The following LILRA5 variants were observed in gnomAD, a reference collection of about 807,000 sequenced individuals.
The protein encoded by LILRA5 is leukocyte immunoglobulin-like receptor subfamily A member 5.
LILRA5 carries 31 observed loss-of-function variants against 36.3 expected under a neutral mutation model. The ratio of observed to expected loss-of-function variants is 0.85; its 90% CI spans 0.64 to 1.15. The LOEUF is 1.15. LILRA5 is among the 50% of genes most tolerant of loss of function. The pLI is 0.00. For missense variants in LILRA5, 348 were observed against 377.4 expected (o/e 0.92, Z 0.64); for synonymous variants, 144 against 144.8 (o/e 0.99, Z 0.04).
chr19:54,307,639 T>C lies in LILRA5; in HGVS notation c.763+59A>G, dbSNP rs891519258. 3.7e-6 allele frequency: 6 copies of C among 1,613,252 alleles called. No individual in the cohort carries two copies. The African/African-American group carries it at 8.0e-5, about 22-fold the overall frequency. Reference sequence around the variant, plus strand: ...ATGTCTCCCCAGGGCACCCATATCATCTTGACAGGACCTGACCCTCTGTGC... The same window carrying C: ...ATGTCTCCCCAGGGCACCCATATCACCTTGACAGGACCTGACCCTCTGTGC... On this transcript the variant is annotated intron_variant, in intron 6 of 6. Coordinates refer to ENST00000432233, the MANE Select transcript of LILRA5 (RefSeq NM_021250.4).
intron 5 of LILRA5, chr19:54,308,354 AATAT>A (rs60172604): frequency 8.7e-3 from 159 of 18,276 alleles, no homozygotes; most frequent in Admixed American, 0.013. Flanking sequence ...TGTATATATA[AATAT>A]ATATATATAT....
chr19:54,311,834 T>G (rs1206013247), intron 4 of LILRA5, 30 bp downstream of exon 4: 1 of 1,614,072 alleles, frequency 6.2e-7, no homozygotes, highest in Admixed American at 1.7e-5. Context: ...GGGCAGAGCC[T>G]GGAGCTGGGA....
rs2081016011 is a variant in LILRA5, at chr19:54,311,587, T to C, written c.539A>G (p.Lys180Arg). 6.2e-7 allele frequency: 1 copy of C among 1,614,060 alleles called. No homozygotes were observed. Among genetic ancestry groups the C allele is most frequent in the Admixed American group, 1.7e-5 (1 of 60,006 alleles). Residue 180 changes from lysine to arginine, a missense_variant, in exon 5 of 7, where the codon AAG (lysine) becomes AGG (arginine). Coordinates refer to ENST00000432233, the MANE Select transcript of LILRA5 (RefSeq NM_021250.4). ...RFILTEEGDH[K>R]LSWTLDSQLT... Reference sequence around the variant, plus strand: ...CTGTGAGTCCAAGGTCCAGGAGAGCTTGTGGTCTCCTTCCTCAGTCAGAAT... The same window carrying C: ...CTGTGAGTCCAAGGTCCAGGAGAGCCTGTGGTCTCCTTCCTCAGTCAGAAT...
Position 54,312,329 on chromosome 19 carries a change from A to G in LILRA5, c.124+6T>C. ...AGGGACCTGGGACAGCTGGGGACAG[A>G]CTCACCTGCCTGCACGTGGGTCCTG... On this transcript the variant is annotated splice_donor_region_variant and intron_variant, in intron 3 of 6. Coordinates refer to ENST00000432233, the MANE Select transcript of LILRA5 (RefSeq NM_021250.4). 6.2e-7 allele frequency: 1 copy of G among 1,613,972 alleles called. No individual in the cohort carries two copies. The highest frequency in any genetic ancestry group is 1.3e-5 in the African/African-American group (1 of 74,960).
chr19:54,310,049 C>T, intron 5 of LILRA5: 1 of 309,754 alleles, frequency 3.2e-6, no homozygotes, highest in Non-Finnish European at 6.4e-6. Context: ...TCATCACCGT[C>T]AGATCCCACC....
intron 1 of LILRA5, 21 bp from the exon 2 acceptor site, chr19:54,312,642 A>G (rs371794397): frequency 5.6e-6 from 9 of 1,612,070 alleles, no homozygotes; most frequent in African/African-American, 5.3e-5. Context: ...AGAGAGACAC[A>G]CAGGGTGTGG....
Position 54,313,121 on chromosome 19 carries a change from A to G in LILRA5, c.-102T>C, listed in dbSNP as rs2081058723. The G allele has an allele frequency of 7.5e-7, 1 of 1,337,640 alleles. No individual in the cohort carries two copies. 82.9% of individuals were successfully genotyped at this position (1,337,640 alleles called of 1,614,324 possible). On this transcript the variant is annotated 5_prime_UTR_variant, in exon 1 of 7. Coordinates refer to ENST00000432233, the MANE Select transcript of LILRA5 (RefSeq NM_021250.4). The stretch of plus-strand genomic sequence containing the variant: ...AGACACATCTGACACCTGGCTGTGT[A>G]GCCCAGGCTGAGCTGCATGTGGCAA...
In LILRA5 at chr19:54,312,016, G is replaced by C. The variant is rs780974155; in HGVS notation, c.257C>G (p.Pro86Arg). ...YRLVKEGSPE[P>R]WDTQNPLEPK... ...CTCCAGTGGGTTCTGTGTGTCCCAGGGTTCTGGGCTTCCCTCTTTAACCAG... is the reference window on the plus strand; with the variant it reads ...CTCCAGTGGGTTCTGTGTGTCCCAGCGTTCTGGGCTTCCCTCTTTAACCAG... The change falls in exon 4 of 7, where the codon CCC (proline) becomes CGC (arginine). Residue 86 changes from proline to arginine, a missense_variant. Physicochemically the swap from Pro to Arg is moderately radical, Grantham distance 103 (BLOSUM62 -2). Coordinates refer to ENST00000432233, the MANE Select transcript of LILRA5 (RefSeq NM_021250.4). 6.2e-7 allele frequency: 1 copy of C among 1,614,194 alleles called. No individual in the cohort carries two copies. The highest frequency in any genetic ancestry group is 2.2e-5 in the East Asian group (1 of 44,876).
intron 5 of LILRA5, 93 bp downstream of exon 5, chr19:54,311,321 G>A (rs1268376872): frequency 1.9e-6 from 3 of 1,603,924 alleles, no homozygotes; most frequent in Admixed American, 1.7e-5. Flanking sequence ...TCCCCTTTTT[G>A]TCTTTCTTAG....
At chr19:54,312,938 C>A in intron 1 of LILRA5, 79 bp downstream of exon 1, 1 of 1,579,224 alleles carries the variant, frequency 6.3e-7, no homozygotes, top group East Asian at 2.2e-5. Context: ...AGGGTGACCT[C>A]CTCCCTCTCA....
chr19:54,309,303 A>C (rs539251927), intron 5 of LILRA5: 1 of 152,278 alleles, frequency 6.6e-6, no homozygotes, highest in South Asian at 2.1e-4. Flanking sequence ...TCTCTACTAA[A>C]AATACAAAAA....
At chr19:54,310,753 T>C in intron 5 of LILRA5, 1 of 290,372 alleles carries the variant, frequency 3.4e-6, no homozygotes, top group Non-Finnish European at 7.1e-6. Flanking sequence ...ACGTCTGTCC[T>C]CCTTGTAGAG....
chr19:54,310,915 A>C, intron 5 of LILRA5: 1 of 243,592 alleles, frequency 4.1e-6, no homozygotes, highest in Non-Finnish European at 8.5e-6. Flanking sequence ...GGTTCCTCCT[A>C]TAAACCTCCT....
chr19:54,311,430 CAGG>C lies in LILRA5; in HGVS notation c.693_695del (p.Leu232del). 1 of 1,614,188 alleles carries C rather than the reference CAGG, an allele frequency of 6.2e-7. No homozygotes were observed. Among genetic ancestry groups the C allele is most frequent in the Non-Finnish European group, 8.5e-7 (1 of 1,180,036 alleles). On this transcript the variant is annotated inframe_deletion, in exon 5 of 7. Coordinates refer to ENST00000432233, the MANE Select transcript of LILRA5 (RefSeq NM_021250.4). ...CTTCCTCACCTGAGACCGGAATCTC[CAGG>C]AGGTCACTGGGTTCTGACCATACCT...
intron 3 of LILRA5, 52 bp from the exon 4 acceptor site, chr19:54,312,200 C>T (rs1172325329): frequency 1.2e-6 from 2 of 1,610,476 alleles, no homozygotes; most frequent in Non-Finnish European, 8.5e-7. Flanking sequence ...CCTCAGATCC[C>T]AGCTCTCAGC....
In LILRA5 at chr19:54,313,165, G is replaced by T. The variant is rs1384628222; in HGVS notation, c.-146C>A. ...GTGGCAATGAGCACAGAGGAGAAAT[G>T]CAGGGAAATAGGGGAGGAAATCATG... On this transcript the variant is annotated 5_prime_UTR_variant, in exon 1 of 7. Transcript: ENST00000432233. 1 of 798,672 alleles carries T rather than the reference G, an allele frequency of 1.3e-6. No homozygotes were observed. The highest frequency in any genetic ancestry group is 2.1e-6 in the Non-Finnish European group (1 of 474,580). The allele number at this position is 798,672 out of a possible 1,614,324, so 49.5% of individuals were successfully genotyped here.
chr19:54,308,335 G>GTGTGTGTGTGTGTATA (rs1421820479), intron 5 of LILRA5: 1 of 57,874 alleles, frequency 1.7e-5, no homozygotes, highest in African/African-American at 4.0e-5. Flanking sequence ...GTGTGTGTGT[G>GTGTGTGTGTGTGTATA]TATATATATG....
Position 54,307,800 on chromosome 19 carries a change from G to C in LILRA5, c.713-52C>G, listed in dbSNP as rs112687577. 905 of 1,490,476 alleles carry C rather than the reference G, an allele frequency of 6.1e-4. 3 individuals carry two copies. In the African/African-American group the frequency reaches 9.3e-3, roughly 15 times the overall value. The allele number at this position is 1,490,476 out of a possible 1,614,324, so 92.3% of individuals were successfully genotyped here. The stretch of plus-strand genomic sequence containing the variant: ...AGGAGAAGTTCTTGAAGCAATCTGA[G>C]CCCAGCCTCTCCCCTGAGCTCTGCA... On this transcript the variant is annotated intron_variant, in intron 5 of 6. Coordinates refer to ENST00000432233, the MANE Select transcript of LILRA5 (RefSeq NM_021250.4).
Position 54,311,321 on chromosome 19 carries a change from G to T in LILRA5, c.712+93C>A, listed in dbSNP as rs1268376872. 1.3e-5 allele frequency: 21 copies of T among 1,603,740 alleles called. No individual in the cohort carries two copies. The Admixed American group carries it at 1.9e-4, about 15-fold the overall frequency. ...TTTCTGTGTTCTCCTTCCCCTTTTT[G>T]TCTTTCTTAGCAGGGGCTGCCCTGC... is the stretch of plus-strand genomic sequence containing the variant. On this transcript the variant is annotated intron_variant, in intron 5 of 6. Coordinates refer to ENST00000432233, the MANE Select transcript of LILRA5 (RefSeq NM_021250.4).
Sources: allele counts gnomAD v4.1 joint callset, GRCh38; gene constraint gnomAD v4.1.1; transcripts MANE v1.5; gene names NCBI Gene and HGNC (gene_info 2026-07-23, HGNC 2026-07-21).